The following CYP19A1 variants were observed in gnomAD, a reference collection of about 807,000 sequenced individuals.
The protein encoded by CYP19A1 is aromatase.
CYP19A1 carries 32 observed loss-of-function variants against 44.4 expected under a neutral mutation model. That is an observed-to-expected ratio of 0.72 (90% CI 0.54 to 0.97). The LOEUF (loss-of-function observed/expected upper bound fraction) is 0.97, where lower values mean the gene tolerates loss of function less well. CYP19A1 is among the 50% of genes least tolerant of loss of function. The pLI, the probability that CYP19A1 is intolerant of heterozygous loss-of-function variation, is 0.00. For missense variants in CYP19A1, 598 were observed against 637.8 expected (o/e 0.94, Z 0.67); for synonymous variants, 212 against 215.6 (o/e 0.98, Z 0.14).
chr15:51,210,809 T>C lies in CYP19A1; in HGVS notation c.1511A>G (p.Ter504TrpextTer31). The C allele has an allele frequency of 6.3e-7, 1 of 1,577,390 alleles. No individual in the cohort carries two copies. Among genetic ancestry groups the C allele is most frequent in the Non-Finnish European group, 8.7e-7 (1 of 1,146,190 alleles). ...PRNSDRCLEH[*>W] Reference sequence around the variant, plus strand: ...AGAGTGGGTACTGACCAGCCTTCTCTAGTGTTCCAGACACCTGTCTGAGTT... The same window carrying C: ...AGAGTGGGTACTGACCAGCCTTCTCCAGTGTTCCAGACACCTGTCTGAGTT... The change falls in exon 10 of 10, where the codon TAG becomes TGG. Residue 504 changes from the stop codon to tryptophan (W), a stop_lost. Coordinates refer to ENST00000396402, the MANE Select transcript of CYP19A1 (RefSeq NM_000103.4).
intron 1 of CYP19A1, among the ~76,000 whole-genome samples, chr15:51,330,729 CAGTCGGAGA>C (rs1344524679): frequency 1.3e-5 from 2 of 152,068 alleles, no homozygotes; most frequent in Non-Finnish European, 2.9e-5. Context: ...TGAGAAGGAA[CAGTCGGAGA>C]AGTAGGAGGA....
At chr15:51,331,556 G>C (rs951487988) in intron 1 of CYP19A1, among the ~76,000 whole-genome samples, 1 of 152,144 alleles carries the variant, frequency 6.6e-6, no homozygotes, top group Admixed American at 6.5e-5. Context: ...ATCTTTGCAA[G>C]AGCATATGTA....
chr15:51,304,129 T>C (rs1246663144), intron 1 of CYP19A1, among the ~76,000 whole-genome samples: 2 of 152,224 alleles, frequency 1.3e-5, no homozygotes, highest in Admixed American at 1.3e-4. Context: ...GTTTAAAATA[T>C]TGACCTTGTA....
intron 4 of CYP19A1, among the ~76,000 whole-genome samples, chr15:51,224,836 C>T (rs2032436652): frequency 6.6e-6 from 1 of 152,238 alleles, no homozygotes; most frequent in Admixed American, 6.5e-5. Context: ...GGCCACGTCC[C>T]TGAATGTATC....
chr15:51,313,350 G>A (rs147159999), intron 1 of CYP19A1, among the ~76,000 whole-genome samples: 1,946 of 152,302 alleles, frequency 0.013, 26 homozygotes, highest in Middle Eastern at 0.092. Context: ...GGGGTGGTGG[G>A]GAGCAGAGCA....
At chr15:51,233,670 A>C (rs1249832847) in intron 3 of CYP19A1, among the ~76,000 whole-genome samples, 1 of 152,228 alleles carries the variant, frequency 6.6e-6, no homozygotes, top group Non-Finnish European at 1.5e-5. Flanking sequence ...AACCCTAATT[A>C]GTATGTTAAT....
intron 1 of CYP19A1, among the ~76,000 whole-genome samples, chr15:51,287,296 G>A (rs968753274): frequency 1.3e-5 from 2 of 152,168 alleles, no homozygotes; most frequent in African/African-American, 4.8e-5. Context: ...CAAGGGAGAA[G>A]AAAGCTAAAC....
chr15:51,303,421 C>G (rs1433830202), intron 1 of CYP19A1, among the ~76,000 whole-genome samples: 1 of 151,968 alleles, frequency 6.6e-6, no homozygotes, highest in Admixed American at 6.6e-5. Context: ...CATGCTAGTC[C>G]TTAAATAAGT....
chr15:51,248,271 T>C (rs556456277), intron 1 of CYP19A1, among the ~76,000 whole-genome samples: 4 of 152,220 alleles, frequency 2.6e-5, no homozygotes, highest in Non-Finnish European at 5.9e-5. Flanking sequence ...ATGAGCCCAG[T>C]GGAGACTCCA....
At chr15:51,213,508 G>C (rs1316212081) in intron 8 of CYP19A1, among the ~76,000 whole-genome samples, 1 of 152,134 alleles carries the variant, frequency 6.6e-6, no homozygotes, top group African/African-American at 2.4e-5. Context: ...ACACTCAAGG[G>C]TCTAATGGGG....
chr15:51,263,732 A>G (rs1016112990), intron 1 of CYP19A1, among the ~76,000 whole-genome samples: 1 of 152,220 alleles, frequency 6.6e-6, no homozygotes, highest in East Asian at 1.9e-4. Context: ...GACCCATCCA[A>G]TCCTCCCAGG....
chr15:51,325,555 G>T (rs958307557), intron 1 of CYP19A1, among the ~76,000 whole-genome samples: 1 of 152,152 alleles, frequency 6.6e-6, no homozygotes, highest in Non-Finnish European at 1.5e-5. Context: ...AGTTGAAAGT[G>T]CAGGCCAGGC....
intron 1 of CYP19A1, chr15:51,255,909 C>T (rs2034495529): frequency 6.6e-6 from 1 of 152,270 alleles, no homozygotes; most frequent in African/African-American, 2.4e-5. Flanking sequence ...TTTTCTCACA[C>T]TGTGGGAACT....
intron 1 of CYP19A1, among the ~76,000 whole-genome samples, chr15:51,288,985 C>T (rs376258489): frequency 9.8e-5 from 15 of 152,344 alleles, no homozygotes; most frequent in East Asian, 7.7e-4. Context: ...CTCCTTCTTG[C>T]AGTGCCAAGA....
At chr15:51,301,573 C>T (rs1055949002) in intron 1 of CYP19A1, among the ~76,000 whole-genome samples, 1 of 152,348 alleles carries the variant, frequency 6.6e-6, no homozygotes, top group African/African-American at 2.4e-5. Flanking sequence ...TGACCCCCCG[C>T]GTGCCTTCCT....
chr15:51,267,024 C>A (rs2034944730), intron 1 of CYP19A1, among the ~76,000 whole-genome samples: 1 of 152,210 alleles, frequency 6.6e-6, no homozygotes, highest in South Asian at 2.1e-4. Context: ...AGAAGAAAAT[C>A]TGAGGTGGGC....
At chr15:51,285,137 G>A (rs934279310) in intron 1 of CYP19A1, among the ~76,000 whole-genome samples, 5 of 152,164 alleles carry the variant, frequency 3.3e-5, no homozygotes, top group East Asian at 3.8e-4. Flanking sequence ...GATGCTTAAC[G>A]GACCAATGCT....
At chr15:51,338,404 G>C (rs1318909679) in intron 1 of CYP19A1, 91 bp downstream of exon 1, 1 of 152,136 alleles carries the variant, frequency 6.6e-6, no homozygotes, top group Non-Finnish European at 1.5e-5. Flanking sequence ...GCACCAGCTG[G>C]GTGTCCTCCA....
intron 1 of CYP19A1, among the ~76,000 whole-genome samples, chr15:51,295,081 C>T (rs2140994076): frequency 6.7e-6 from 1 of 148,412 alleles, no homozygotes; most frequent in Non-Finnish European, 1.5e-5. Context: ...AGATCTCTAG[C>T]TGAATACTCA....
Sources: gnomAD v4.1 joint callset for allele counts (sites outside exome capture counted in the v4.1 genomes callset) on GRCh38, gnomAD v4.1.1 for gene constraint, MANE v1.5 for transcripts, NCBI Gene and HGNC (gene_info 2026-07-23, HGNC 2026-07-21) for gene names.